GAS2: variants seen among roughly 807,000 people sequenced by gnomAD.
GAS2 encodes growth arrest specific 2.
GAS2 carries 20 observed loss-of-function variants against 37.5 expected under a neutral mutation model. The observed-to-expected ratio is 0.53, with a 90% CI of 0.37 to 0.77. The LOEUF is 0.77. Ranked by LOEUF, GAS2 falls within the 30% of genes least tolerant of loss-of-function variation. GAS2 has a pLI of 0.00. For synonymous variants in GAS2, 144 were observed against 132.2 expected, an observed-to-expected ratio of 1.09 and a Z score of -0.61; for missense variants, 336 against 373.4, an observed-to-expected ratio of 0.90 and a Z score of 0.82.
At chr11:22,791,180 T>C (rs1278080299) in intron 7 of GAS2, among the ~76,000 whole-genome samples, 1 of 152,192 alleles carries the variant, frequency 6.6e-6, no homozygotes, top group African/African-American at 2.4e-5. Context: ...ATGGTGAAGA[T>C]ACTGAGTGAC....
At chr11:22,686,734 A>G (rs1286108776) in intron 3 of GAS2, among the ~76,000 whole-genome samples, 1 of 152,098 alleles carries the variant, frequency 6.6e-6, no homozygotes, top group African/African-American at 2.4e-5. Flanking sequence ...TGGGTGACAG[A>G]GTAGGACTCT....
chr11:22,794,592 G>A (rs555571860), intron 7 of GAS2, among the ~76,000 whole-genome samples: 1 of 151,898 alleles, frequency 6.6e-6, no homozygotes, highest in Non-Finnish European at 1.5e-5. Context: ...CCATAACACT[G>A]GTCAAATCAT....
intron 2 of GAS2, among the ~76,000 whole-genome samples, chr11:22,676,918 T>C (rs895880821): frequency 2.6e-5 from 4 of 152,126 alleles, no homozygotes; most frequent in Non-Finnish European, 5.9e-5. Flanking sequence ...ACCAACCTTA[T>C]GGAATTGTTG....
chr11:22,700,371 CT>C (rs1025475735), intron 3 of GAS2, among the ~76,000 whole-genome samples: 1 of 152,130 alleles, frequency 6.6e-6, no homozygotes, highest in Non-Finnish European at 1.5e-5. Context: ...AAATTCCCCC[CT>C]CTGCCTGTTT....
chr11:22,646,463 T>C (rs1848695370), intron 1 of GAS2, among the ~76,000 whole-genome samples: 1 of 152,202 alleles, frequency 6.6e-6, no homozygotes, highest in South Asian at 2.1e-4. Context: ...ATTCCAAATA[T>C]TTTCAACTTT....
intron 3 of GAS2, among the ~76,000 whole-genome samples, chr11:22,707,787 T>C (rs1209178835): frequency 6.6e-6 from 1 of 152,162 alleles, no homozygotes; most frequent in African/African-American, 2.4e-5. Context: ...GTTTGGCACA[T>C]GGACTGGTGA....
intron 1 of GAS2, chr11:22,672,531 A>G (rs561249601): frequency 6.6e-5 from 10 of 152,278 alleles, no homozygotes; most frequent in African/African-American, 2.4e-4. Flanking sequence ...TTGCTTTTAT[A>G]GAGCAAAATA....
chr11:22,727,136 C>G (rs1852255260), intron 4 of GAS2, among the ~76,000 whole-genome samples: 1 of 151,998 alleles, frequency 6.6e-6, no homozygotes, highest in African/African-American at 2.4e-5. Context: ...CAATACCACT[C>G]CATACACTAG....
intron 2 of GAS2, among the ~76,000 whole-genome samples, chr11:22,677,414 G>A: frequency 6.6e-6 from 1 of 152,062 alleles, no homozygotes; most frequent in Non-Finnish European, 1.5e-5. Context: ...GACATGTTCG[G>A]GCTAGATCAT....
At position 22,702,036 on chromosome 11, in the gene GAS2, A is replaced by G. The variant is rs1850868627; in HGVS notation, c.267+16247A>G. Among the ~76,000 whole-genome samples, 5 of 152,294 alleles carry G rather than the reference A, an allele frequency of 3.3e-5. No individual in the cohort carries two copies. The South Asian group carries it at 1.0e-3, about 32-fold the overall frequency. On this transcript the variant is annotated intron_variant, in intron 3 of 7. Transcript: ENST00000454584. ...AAATCAAAAATGATACTAATTAATAATAAAAATACCTGCCATATAATATAA... is the reference window on the plus strand; with the variant it reads ...AAATCAAAAATGATACTAATTAATAGTAAAAATACCTGCCATATAATATAA...
At chr11:22,672,833 G>A (rs938660344) in intron 1 of GAS2, among the ~76,000 whole-genome samples, 14 of 151,654 alleles carry the variant, frequency 9.2e-5, no homozygotes, top group African/African-American at 3.1e-4. Flanking sequence ...TTTAACTGGG[G>A]CAGAAAATGC....
chr11:22,757,345 T>A (rs1222763738), intron 7 of GAS2, among the ~76,000 whole-genome samples: 3 of 152,176 alleles, frequency 2.0e-5, no homozygotes, highest in African/African-American at 7.2e-5. Flanking sequence ...ATTTTTCTTT[T>A]CAAGAAATAG....
chr11:22,668,522 G>T (rs1365377177), intron 1 of GAS2, among the ~76,000 whole-genome samples: 1 of 151,158 alleles, frequency 6.6e-6, no homozygotes, highest in African/African-American at 2.5e-5. Flanking sequence ...GTTATGGACT[G>T]TGCTTTACTG....
chr11:22,781,500 C>T (rs1426206497), intron 7 of GAS2, among the ~76,000 whole-genome samples: 11 of 152,158 alleles, frequency 7.2e-5, no homozygotes, highest in Admixed American at 7.2e-4. Context: ...TATCATTTCT[C>T]TTTTGTAATT....
chr11:22,677,116 A>C (rs918506131), intron 2 of GAS2, among the ~76,000 whole-genome samples: 20 of 152,214 alleles, frequency 1.3e-4, no homozygotes, highest in African/African-American at 4.3e-4. Context: ...TAAGCAATTG[A>C]ATATATAATC....
intron 3 of GAS2, among the ~76,000 whole-genome samples, chr11:22,700,423 C>G (rs918077646): frequency 8.5e-5 from 13 of 152,096 alleles, no homozygotes; most frequent in Non-Finnish European, 2.9e-5. Flanking sequence ...GCATGAGGAG[C>G]AAATCTGACT....
At chr11:22,740,607 T>G (rs1417342734) in intron 5 of GAS2, among the ~76,000 whole-genome samples, 1 of 152,190 alleles carries the variant, frequency 6.6e-6, no homozygotes, top group Non-Finnish European at 1.5e-5. Context: ...CATTTAAAGT[T>G]TTTTTGATTT....
intron 2 of GAS2, among the ~76,000 whole-genome samples, chr11:22,676,423 G>A (rs1019382390): frequency 6.6e-5 from 10 of 152,198 alleles, no homozygotes; most frequent in Admixed American, 2.0e-4. Flanking sequence ...GTATGGTAGT[G>A]GAAAATAAAA....
In GAS2 at chr11:22,674,849, G is replaced by T; in HGVS notation, c.-20-1G>T. ...CAATTGCTCTTTTGTTTCCAAAACA[G>T]GTATTACAAGTGGATAAATAATGTG... On this transcript the variant is annotated splice_acceptor_variant, in intron 1 of 7. Coordinates refer to ENST00000454584, the MANE Select transcript of GAS2 (RefSeq NM_001143830.3). LOFTEE classifies it low-confidence loss of function (5UTR_SPLICE). 6.4e-7 allele frequency: 1 copy of T among 1,557,702 alleles called. No homozygotes were observed.
Sources: allele counts gnomAD v4.1 joint callset (sites outside exome capture counted in the v4.1 genomes callset), GRCh38; gene constraint gnomAD v4.1.1; transcripts MANE v1.5; gene names NCBI Gene and HGNC (gene_info 2026-07-23, HGNC 2026-07-21).